The following MUC4 variants were observed in gnomAD, a reference collection of about 807,000 sequenced individuals.
MUC4 encodes the protein mucin-4.
A neutral mutation model predicts 257.9 loss-of-function variants in MUC4; 202 were observed. The observed-to-expected ratio is 0.78, with a 90% CI of 0.70 to 0.88. The LOEUF (loss-of-function observed/expected upper bound fraction) is 0.88. Among genes scored for constraint, MUC4 ranks in the 40% least tolerant of loss-of-function variants. The probability of loss-of-function intolerance (pLI) is 0.00; values close to 1 mark genes in which losing one functional copy is unlikely to be tolerated. For missense variants in MUC4, 5,976 were observed against 6,513.7 expected, an observed-to-expected ratio of 0.92 and a Z score of 2.84; for synonymous variants, 2,351 against 2,757.1, an observed-to-expected ratio of 0.85 and a Z score of 4.62.
chr3:195,761,058 T>A lies in MUC4; in HGVS notation c.14674A>T (p.Thr4892Ser). Residue 4892 changes from threonine (T) to serine (S), a missense_variant, in exon 16 of 25, where the codon ACC (threonine) becomes TCC (serine). Around this residue, in one of 44 missense-constraint regions of MUC4, gnomAD observed 996 missense variants for 1,137.3 expected, o/e 0.88. Transcript: ENST00000463781. ...TGCAGTTGTGAGTAGAAAACAGGGG[T>A]GAAGTTGGAAGGCAGCTGGTCATTC... ...KRNDQLPSNF[T>S]PVFYSQLQKN... is the part of the protein sequence containing the mutation. The A allele has an allele frequency of 6.2e-7, 1 of 1,613,984 alleles. No individual in the cohort carries two copies. Among genetic ancestry groups the A allele is most frequent in the East Asian group, 2.2e-5 (1 of 44,860 alleles).
rs1733596223 is a variant in MUC4 at position 195,789,598 on chromosome 3, G to C, written c.1982C>G (p.Thr661Ser). Residue 661 changes from threonine to serine, a missense_variant, in exon 2 of 25, where the codon ACC (threonine) becomes AGC (serine). Thr to Ser is a moderately conservative substitution (Grantham distance 58). Around this residue, in one of 44 missense-constraint regions of MUC4, gnomAD observed 1,583 missense variants for 1,257.4 expected, o/e 1.26. Coordinates refer to ENST00000463781, the MANE Select transcript of MUC4 (RefSeq NM_018406.7). ...TTRSVSPMTD[T>S]KTVTTPGSSF... The stretch of plus-strand genomic sequence containing the variant: ...AGAACCTGGGGTGGTGACTGTCTTG[G>C]TGTCAGTCATGGGGGAGACGGACCT... The C allele has an allele frequency of 6.2e-7, 1 of 1,613,830 alleles. No homozygotes were observed. Among genetic ancestry groups the C allele is most frequent in the African/African-American group, 1.3e-5 (1 of 74,890 alleles).
rs577053797 is a variant in MUC4, at chr3:195,779,169, T to C, written c.12411A>G (p.Val4137=). 3.5e-5 allele frequency: 49 copies of C among 1,410,406 alleles called. 7 individuals are homozygous for C. In the Middle Eastern group the frequency reaches 1.0e-3, roughly 30 times the overall value. 87.4% of individuals were successfully genotyped at this position (1,410,406 alleles called of 1,614,324 possible). The change falls in exon 2 of 25, where the codon GTA becomes GTG. Residue 4137 remains valine, a synonymous_variant. Transcript: ENST00000463781. ...GAAGAGGCGTGGTGTCACCTGTGGA[T>C]ACTGAGGAAAGGCTGGTGACAGGAA... The part of the protein sequence containing the change: ...TPLPVTSLSS[V]STGDTTPLPV...
Position 195,785,712 on chromosome 3 carries a change from G to T in MUC4, c.5868C>A (p.Thr1956=). 4 of 1,394,428 alleles carry T rather than the reference G, an allele frequency of 2.9e-6. No homozygotes were observed. The highest frequency in any genetic ancestry group is 3.9e-6 in the Non-Finnish European group (4 of 1,037,314). 86.4% of individuals were successfully genotyped at this position (1,394,428 alleles called of 1,614,324 possible). A position where few individuals can be genotyped will look rare whatever the true frequency, so the allele number is the denominator to read the frequency against. ...GACCTGTGGGTACTGAGGAAGCGTC[G>T]GTGACAGGAAGAGGGGTGGTGTGAC... The part of the protein sequence containing the change: ...SSGHTTPLPV[T]DASSVPTGHA... Residue 1956 remains threonine (T), a synonymous_variant, in exon 2 of 25, where the codon ACC becomes ACA. Transcript: ENST00000463781.
chr3:195,748,089 A>C (rs1157136460), intron 24 of MUC4, among the ~76,000 whole-genome samples: 1 of 151,850 alleles, frequency 6.6e-6, no homozygotes, highest in Non-Finnish European at 1.5e-5. Context: ...CCCGGAGCCC[A>C]GGTCTGCGTG....
At chr3:195,752,471 T>TC (rs1207190100) in intron 20 of MUC4, 25 bp from the exon 21 acceptor site, 1 of 1,599,302 alleles carries the variant, frequency 6.3e-7, no homozygotes, top group East Asian at 2.2e-5. Context: ...AGCAAATGTA[T>TC]CATCACCCCA....
chr3:195,782,233 C>T lies in MUC4; in HGVS notation c.9347G>A (p.Gly3116Asp), dbSNP rs749308275. 1.1e-4 allele frequency: 174 copies of T among 1,527,936 alleles called. 2 individuals are homozygous for T. Among genetic ancestry groups the T allele is most frequent in the Non-Finnish European group, 1.4e-4 (162 of 1,136,548 alleles). 94.6% of individuals were successfully genotyped at this position (1,527,936 alleles called of 1,614,324 possible). ...GGTGACAGGAAGAGGGGTGGTGTGA[C>T]CTGTGGATGCTGAGGAAGGGCTAGT... ...PVTSPSSAST[G>D]HTTPLPVTDT... Residue 3116 changes from glycine (G) to aspartate (D), a missense_variant, in exon 2 of 25, where the codon GGT becomes GAT. Coordinates refer to ENST00000463781, the MANE Select transcript of MUC4 (RefSeq NM_018406.7).
Position 195,761,588 on chromosome 3 carries a change from G to A in MUC4, c.14513-3C>T. The A allele has an allele frequency of 6.2e-7, 1 of 1,612,756 alleles. No homozygotes were observed. Among genetic ancestry groups the A allele is most frequent in the Non-Finnish European group, 8.5e-7 (1 of 1,178,802 alleles). On this transcript the variant is annotated splice_polypyrimidine_tract_variant and splice_region_variant and intron_variant, in intron 14 of 24. Transcript: ENST00000463781. ...CTCTGGATTGTTATTCCAGACCCCT[G>A]AGGGACAGAGTGGGAGGTTGGCCAC...
rs113384737 is a variant in MUC4 at position 195,788,739 on chromosome 3, A to G, written c.2841T>C (p.Leu947=). 5,240 of 1,612,938 alleles carry G rather than the reference A, an allele frequency of 3.2e-3. 181 individuals carry two copies. The African/African-American group carries it at 0.062, about 19-fold the overall frequency. ...PTPPSITSTG[L]TSPQTETHTL... is the part of the protein sequence containing the mutation. ...TGTGGGTCTCGGTTTGTGGAGATGT[A>G]AGCCCAGTGGATGTGATCGATGGAG... The change falls in exon 2 of 25, where the codon CTT becomes CTC. Residue 947 remains leucine, a synonymous_variant. Coordinates refer to ENST00000463781, the MANE Select transcript of MUC4 (RefSeq NM_018406.7).
At position 195,762,862 on chromosome 3, in the gene MUC4, G is replaced by A. The variant is rs1033036147; in HGVS notation, c.14337C>T (p.Asp4779=). 3.2e-6 allele frequency: 5 copies of A among 1,562,112 alleles called. No individual in the cohort carries two copies. Among genetic ancestry groups the A allele is most frequent in the African/African-American group, 2.7e-5 (2 of 73,434 alleles). The change falls in exon 13 of 25, where the codon GAC becomes GAT. Residue 4779 remains aspartate, a synonymous_variant. Coordinates refer to ENST00000463781, the MANE Select transcript of MUC4 (RefSeq NM_018406.7). The part of the protein sequence containing the change: ...QTVTFQPDHE[D]GGGQETFNAT... ...CGGCGCTCCCCAACCTACCTCCGCC[G>A]TCTTCATGGTCAGGCTGAAATGTCA...
intron 7 of MUC4, among the ~76,000 whole-genome samples, chr3:195,768,265 A>G (rs1343375083): frequency 1.3e-5 from 2 of 152,178 alleles, no homozygotes; most frequent in Admixed American, 6.5e-5. Context: ...ACTCAATGTA[A>G]GAGAAGACAT....
chr3:195,805,989 G>A (rs1019703497), intron 1 of MUC4, among the ~76,000 whole-genome samples: 1 of 124,096 alleles, frequency 8.1e-6, no homozygotes, highest in African/African-American at 2.7e-5. Context: ...GGTGGCATGT[G>A]CCTGTGATCC....
chr3:195,760,949 T>C lies in MUC4; in HGVS notation c.14783A>G (p.Asn4928Ser). The change falls in exon 16 of 25, where the codon AAC (asparagine) becomes AGC (serine). Residue 4928 changes from asparagine (N) to serine (S), a missense_variant. Physicochemically the swap from Asn to Ser is conservative, Grantham distance 46 (BLOSUM62 1). Transcript: ENST00000463781. ...SCIYDTLALRNASIGLHTREV... is the reference protein window; with the variant it reads ...SCIYDTLALRSASIGLHTREV... ...CCTCGTGTGAAGTCCGATGCTTGCGTTGCGCAGGGCCAGGGTGTCATAGAT... is the reference window on the plus strand; with the variant it reads ...CCTCGTGTGAAGTCCGATGCTTGCGCTGCGCAGGGCCAGGGTGTCATAGAT... 52 of 1,614,226 alleles carry C rather than the reference T, an allele frequency of 3.2e-5. No individual in the cohort carries two copies. Among genetic ancestry groups the C allele is most frequent in the Non-Finnish European group, 4.4e-5 (52 of 1,180,032 alleles).
At chr3:195,794,946 C>T (rs933364638) in intron 1 of MUC4, among the ~76,000 whole-genome samples, 1 of 152,198 alleles carries the variant, frequency 6.6e-6, no homozygotes, top group East Asian at 1.9e-4. Flanking sequence ...CGGGCTGAAC[C>T]GCAGAGCCCT....
Position 195,755,090 on chromosome 3 carries a change from C to T in MUC4, c.15169-718G>A, listed in dbSNP as rs1717404165. Among the ~76,000 whole-genome samples, 1 of 151,966 alleles carries T rather than the reference C, an allele frequency of 6.6e-6. No individual in the cohort carries two copies. Among genetic ancestry groups the T allele is most frequent in the African/African-American group, 2.4e-5 (1 of 41,364 alleles). On this transcript the variant is annotated intron_variant, in intron 18 of 24. Transcript: ENST00000463781. This position sits in a 1 kb window ranked among gnomAD's most constrained non-coding sequence, Gnocchi z 5.0. Reference sequence around the variant, plus strand: ...GGAGTGCAATGTCTTGATCTTGGCTCACTGCAAACTCCACCTCCCAGGTTC... The same window carrying T: ...GGAGTGCAATGTCTTGATCTTGGCTTACTGCAAACTCCACCTCCCAGGTTC...
intron 5 of MUC4, chr3:195,770,586 C>G (rs879108543): frequency 1.7e-6 from 1 of 599,654 alleles, no homozygotes; most frequent in South Asian, 2.0e-5. Context: ...AATGCAGGGT[C>G]GTGGCCCAGA....
rs746362761 is a variant in MUC4, at chr3:195,771,746, G to A, written c.13148C>T (p.Pro4383Leu). The A allele has an allele frequency of 2.5e-6, 4 of 1,613,964 alleles. No individual in the cohort carries two copies. The highest frequency in any genetic ancestry group is 1.7e-5 in the Admixed American group (1 of 60,016). ...AGGGTCCCGGCCTGTGAAGCCTGTT[G>A]GGAGTGGGTTGGGGTAGGAGAAAAT... is the stretch of plus-strand genomic sequence containing the variant. ...YQIFSYPNPL[P>L]TGFTGRDPVA... The change falls in exon 5 of 25, where the codon CCA becomes CTA. Residue 4383 changes from proline (P) to leucine (L), a missense_variant. Transcript: ENST00000463781.
intron 1 of MUC4, among the ~76,000 whole-genome samples, chr3:195,802,464 G>A: frequency 7.1e-6 from 1 of 140,632 alleles, no homozygotes; most frequent in East Asian, 2.1e-4. Context: ...TGCTGCTGCT[G>A]TCTCCTTAGC....
chr3:195,788,910 G>C lies in MUC4; in HGVS notation c.2670C>G (p.Ser890Arg). 6.2e-7 allele frequency: 1 copy of C among 1,613,678 alleles called. No individual in the cohort carries two copies. The highest frequency in any genetic ancestry group is 8.5e-7 in the Non-Finnish European group (1 of 1,179,762). ...GAGGAGAGGCACTGGGAGAAGTTGGGCTTGACTGTCCTGTCGGTCTCCCTG... is the reference window on the plus strand; with the variant it reads ...GAGGAGAGGCACTGGGAGAAGTTGGCCTTGACTGTCCTGTCGGTCTCCCTG... ...STAGRPTGQS[S>R]PTSPSASPQE... The change falls in exon 2 of 25, where the codon AGC (serine) becomes AGG (arginine). Residue 890 changes from serine to arginine, a missense_variant. This residue lies in a region of MUC4 where 1,583 missense variants were observed against 1,257.4 expected (regional missense o/e 1.26). Transcript: ENST00000463781.
chr3:195,786,132 T>C lies in MUC4; in HGVS notation c.5448A>G (p.Ser1816=). Residue 1816 remains serine, a synonymous_variant, in exon 2 of 25, where the codon TCA becomes TCG. Transcript: ENST00000463781. ...AIPLPVTSPS[S]ASTGDTTPLP... ...GAGGGGTGGTGTCACCTGTGGATGC[T>C]GAGGAAGGGCTGGTGACAGGAAGAG... 1 of 1,531,580 alleles carries C rather than the reference T, an allele frequency of 6.5e-7. No homozygotes were observed. The highest frequency in any genetic ancestry group is 8.8e-7 in the Non-Finnish European group (1 of 1,138,854). 94.9% of individuals were successfully genotyped at this position (1,531,580 alleles called of 1,614,324 possible).
Sources: allele counts gnomAD v4.1 joint callset (sites outside exome capture counted in the v4.1 genomes callset), GRCh38; gene constraint gnomAD v4.1.1; regional missense constraint gnomAD v4.1.1; non-coding constraint Gnocchi (gnomAD v3.1); transcripts MANE v1.5; gene names NCBI Gene and HGNC (gene_info 2026-07-23, HGNC 2026-07-21).